ITPR1: variants seen among roughly 807,000 people sequenced by gnomAD.
ITPR1 encodes inositol 1,4,5-trisphosphate receptor type 1.
In ITPR1, 96 loss-of-function variants were observed where a neutral mutation model predicts 318.4. The ratio of observed to expected loss-of-function variants is 0.30; its 90% CI spans 0.26 to 0.36. The LOEUF (loss-of-function observed/expected upper bound fraction) is 0.36, where lower values mean the gene tolerates loss of function less well. ITPR1 is among the 10% of genes least tolerant of loss of function. The pLI, the probability that ITPR1 is intolerant of heterozygous loss-of-function variation, is 1.00. For synonymous variants in ITPR1, 1,312 were observed against 1,289.9 expected (o/e 1.02, Z -0.37); for missense variants, 2,440 against 3,460.2 (o/e 0.71, Z 7.40).
chr3:4,784,373 GC>G (rs1277003380), intron 51 of ITPR1, among the ~76,000 whole-genome samples: 4 of 152,196 alleles, frequency 2.6e-5, no homozygotes, highest in African/African-American at 9.6e-5. Context: ...ATCCGGAGGG[GC>G]TAAGCAAGGC....
chr3:4,647,830 T>A (rs756510985), intron 10 of ITPR1, among the ~76,000 whole-genome samples: 1 of 152,188 alleles, frequency 6.6e-6, no homozygotes, highest in Non-Finnish European at 1.5e-5. Flanking sequence ...AAAAATTGTC[T>A]TACCACTCTT....
rs1290640408 is a variant in ITPR1 at position 4,645,573 on chromosome 3, G to C, written c.709-9G>C. 6.2e-7 allele frequency: 1 copy of C among 1,612,604 alleles called. No individual in the cohort carries two copies. Among genetic ancestry groups the C allele is most frequent in the Non-Finnish European group, 8.5e-7 (1 of 1,179,200 alleles). ...TTTTTCCTTAATTCTTTCTTGTGTTGACTGTCAGGGTGACGTGGTGAGGCT... is the reference window on the plus strand; with the variant it reads ...TTTTTCCTTAATTCTTTCTTGTGTTCACTGTCAGGGTGACGTGGTGAGGCT... On this transcript the variant is annotated splice_polypyrimidine_tract_variant and intron_variant, in intron 9 of 61. Coordinates refer to ENST00000649015, the MANE Select transcript of ITPR1 (RefSeq NM_001378452.1).
chr3:4,526,930 T>C (rs1400991921), intron 4 of ITPR1, among the ~76,000 whole-genome samples: 1 of 152,240 alleles, frequency 6.6e-6, no homozygotes, highest in East Asian at 1.9e-4. Context: ...CAACTATTTA[T>C]ATATAAGTAG....
At chr3:4,703,572 T>A (rs1442828438) in intron 36 of ITPR1, among the ~76,000 whole-genome samples, 1 of 152,188 alleles carries the variant, frequency 6.6e-6, no homozygotes, top group Non-Finnish European at 1.5e-5. Flanking sequence ...GCTTCCTGCC[T>A]GAAGTTGAGA....
At chr3:4,612,564 CTCATT>C (rs2092197351) in intron 4 of ITPR1, among the ~76,000 whole-genome samples, 1 of 152,088 alleles carries the variant, frequency 6.6e-6, no homozygotes, top group South Asian at 2.1e-4. Flanking sequence ...CAGACATCAT[CTCATT>C]TCATTAGAGA....
chr3:4,520,147 T>C (rs2082451653), intron 3 of ITPR1, among the ~76,000 whole-genome samples: 1 of 152,234 alleles, frequency 6.6e-6, no homozygotes. Flanking sequence ...CTGCAAGTTC[T>C]GTGGTCACTT....
intron 2 of ITPR1, among the ~76,000 whole-genome samples, chr3:4,496,783 C>T (rs1429345395): frequency 2.0e-5 from 3 of 152,184 alleles, no homozygotes; most frequent in African/African-American, 7.2e-5. Flanking sequence ...GGCTTTTCAA[C>T]TCATTTATAA....
At chr3:4,521,699 T>C (rs2082580971) in intron 4 of ITPR1, among the ~76,000 whole-genome samples, 2 of 152,220 alleles carry the variant, frequency 1.3e-5, no homozygotes, top group Admixed American at 6.5e-5. Context: ...TGAAACACTG[T>C]CTCTACTGAA....
chr3:4,789,812 G>T (rs1484841011), intron 52 of ITPR1, among the ~76,000 whole-genome samples: 1 of 152,080 alleles, frequency 6.6e-6, no homozygotes, highest in Non-Finnish European at 1.5e-5. Flanking sequence ...TAGAGATGGG[G>T]CTTCACCATG....
chr3:4,510,239 T>C (rs1271995083), intron 2 of ITPR1, among the ~76,000 whole-genome samples: 1 of 152,036 alleles, frequency 6.6e-6, no homozygotes, highest in Non-Finnish European at 1.5e-5. Flanking sequence ...AAAAAAATCA[T>C]TATGGCTGGA....
chr3:4,656,880 C>T (rs542046138), intron 12 of ITPR1, among the ~76,000 whole-genome samples: 1 of 152,220 alleles, frequency 6.6e-6, no homozygotes, highest in Non-Finnish European at 1.5e-5. Context: ...TGGAAAATCA[C>T]GCGATGTAGA....
rs115228081 is a variant in ITPR1 at position 4,587,574 on chromosome 3, A to T, written c.164-40189A>T. On this transcript the variant is annotated intron_variant, in intron 4 of 61. Coordinates refer to ENST00000649015, the MANE Select transcript of ITPR1 (RefSeq NM_001378452.1). ...GCATGAGCCACCCTGCCCGGCCCAC[A>T]CTTCTCATTTTGAGTAGCTGGGGTC... Among the ~76,000 whole-genome samples the T allele has an allele frequency of 5.2e-3, 789 of 152,112 alleles. 10 individuals are homozygous for T. Among genetic ancestry groups the T allele is most frequent in the African/African-American group, 0.018 (757 of 41,480 alleles).
At chr3:4,608,718 G>A (rs2091871008) in intron 4 of ITPR1, among the ~76,000 whole-genome samples, 1 of 151,930 alleles carries the variant, frequency 6.6e-6, no homozygotes, top group African/African-American at 2.4e-5. Context: ...AATATCAGTG[G>A]TGCCCGGGCA....
chr3:4,687,209 C>T (rs1030432302), intron 30 of ITPR1, among the ~76,000 whole-genome samples: 1 of 152,208 alleles, frequency 6.6e-6, no homozygotes, highest in Admixed American at 6.5e-5. Flanking sequence ...GTCCTTGATA[C>T]TCCCTCTCTA....
At chr3:4,693,148 C>T (rs2094505479) in intron 32 of ITPR1, among the ~76,000 whole-genome samples, 1 of 152,094 alleles carries the variant, frequency 6.6e-6, no homozygotes, top group African/African-American at 2.4e-5. Flanking sequence ...AAGATGGAAA[C>T]ATTTAAAAAG....
chr3:4,834,596 A>C (rs571835653), intron 60 of ITPR1, among the ~76,000 whole-genome samples: 97 of 152,222 alleles, frequency 6.4e-4, no homozygotes, highest in African/African-American at 2.3e-3. Flanking sequence ...CCCTCTTCTG[A>C]AAAATGAGGT....
chr3:4,512,956 CGAG>C (rs2081944155), intron 2 of ITPR1, among the ~76,000 whole-genome samples: 2 of 19,334 alleles, frequency 1.0e-4, no homozygotes, highest in Admixed American at 3.9e-4. Context: ...TCAGCAGAGC[CGAG>C]CCCTCGGTGT....
intron 4 of ITPR1, among the ~76,000 whole-genome samples, chr3:4,599,860 G>A (rs1386602086): frequency 2.0e-5 from 3 of 152,174 alleles, no homozygotes; most frequent in Non-Finnish European, 2.9e-5. Flanking sequence ...TATGTAGGGT[G>A]TTGGATATAG....
At chr3:4,762,307 G>A (rs2045511963) in intron 44 of ITPR1, among the ~76,000 whole-genome samples, 1 of 152,214 alleles carries the variant, frequency 6.6e-6, no homozygotes, top group Non-Finnish European at 1.5e-5. Context: ...GTCAGTGAGT[G>A]TTAGCTATCG....
Sources: gnomAD v4.1 joint callset for allele counts (sites outside exome capture counted in the v4.1 genomes callset) on GRCh38, gnomAD v4.1.1 for gene constraint, MANE v1.5 for transcripts, NCBI Gene and HGNC (gene_info 2026-07-23, HGNC 2026-07-21) for gene names.